Variants in JMJD1C observed in about 807,000 individuals in gnomAD.
The protein encoded by JMJD1C is jumonji domain-containing protein 1C.
JMJD1C carries 31 observed loss-of-function variants against 245.3 expected under a neutral mutation model. The observed-to-expected ratio is 0.13, with a 90% confidence interval of 0.09 to 0.17. The LOEUF (loss-of-function observed/expected upper bound fraction) is 0.17, where lower values mean the gene tolerates loss of function less well. Among genes scored for constraint, JMJD1C ranks in the 10% least tolerant of loss-of-function variants. The pLI is 1.00. For synonymous variants in JMJD1C, 1,057 were observed against 1,017.4 expected (o/e 1.04, Z -0.74); for missense variants, 2,691 against 3,000.2 (o/e 0.90, Z 2.41).
chr10:63,435,928 A>G (rs924035371), intron 1 of JMJD1C, among the ~76,000 whole-genome samples: 3 of 152,150 alleles, frequency 2.0e-5, no homozygotes, highest in African/African-American at 7.2e-5. Context: ...GAGTGTGGCA[A>G]AATACTTGAG....
chr10:63,441,184 A>G (rs1041096588), intron 1 of JMJD1C, among the ~76,000 whole-genome samples: 1 of 152,180 alleles, frequency 6.6e-6, no homozygotes, highest in Non-Finnish European at 1.5e-5. Flanking sequence ...TTTATTTAGA[A>G]GACTCTCCCT....
chr10:63,219,618 T>C (rs187980449), intron 4 of JMJD1C, among the ~76,000 whole-genome samples: 1 of 152,312 alleles, frequency 6.6e-6, no homozygotes, highest in Non-Finnish European at 1.5e-5. Flanking sequence ...TTCCATAATA[T>C]GCAGTTTTCT....
At chr10:63,297,012 T>C (rs1286292120) in intron 2 of JMJD1C, among the ~76,000 whole-genome samples, 1 of 152,238 alleles carries the variant, frequency 6.6e-6, no homozygotes, top group East Asian at 1.9e-4. Flanking sequence ...TTTCACCACT[T>C]TGAAAGTTTC....
intron 1 of JMJD1C, among the ~76,000 whole-genome samples, chr10:63,400,309 A>C (rs1010461811): frequency 4.6e-5 from 7 of 152,160 alleles, no homozygotes; most frequent in Admixed American, 1.3e-4. Flanking sequence ...GATGTTGACA[A>C]AACCCCATTA....
intron 1 of JMJD1C, among the ~76,000 whole-genome samples, chr10:63,449,287 C>A (rs1951894718): frequency 6.6e-6 from 1 of 151,916 alleles, no homozygotes; most frequent in African/African-American, 2.4e-5. Flanking sequence ...AAGTGAAATT[C>A]TGTAAAATAA....
intron 24 of JMJD1C, among the ~76,000 whole-genome samples, chr10:63,174,001 C>T (rs1208609725): frequency 3.9e-5 from 6 of 152,150 alleles, no homozygotes; most frequent in Admixed American, 3.9e-4. Context: ...CACCACTGTA[C>T]ACTTACTAGA....
At chr10:63,305,627 G>GGTGTGT (rs1420500276) in intron 2 of JMJD1C, among the ~76,000 whole-genome samples, 21 of 58,716 alleles carry the variant, frequency 3.6e-4, no homozygotes, top group Non-Finnish European at 6.6e-4. Flanking sequence ...CCACCATGCT[G>GGTGTGT]GCGTGTGTGT....
chr10:63,406,918 G>GT (rs2132632563), intron 1 of JMJD1C, among the ~76,000 whole-genome samples: 1 of 152,256 alleles, frequency 6.6e-6, no homozygotes, highest in East Asian at 1.9e-4. Context: ...GATGAGGATT[G>GT]TAAGGTTTCA....
At chr10:63,203,659 GCTGA>G in intron 10 of JMJD1C, 2 of 981,628 alleles carry the variant, frequency 2.0e-6, no homozygotes, top group Non-Finnish European at 2.4e-6. Context: ...AGAAAAAGCG[GCTGA>G]CTTTTAATTA....
At chr10:63,335,316 A>G (rs771837611) in intron 2 of JMJD1C, among the ~76,000 whole-genome samples, 10 of 152,202 alleles carry the variant, frequency 6.6e-5, no homozygotes, top group Non-Finnish European at 1.2e-4. Context: ...GTGATAATGT[A>G]GGCATGGGGG....
rs1395365922 is a variant in JMJD1C, at chr10:63,510,428, AT to A, written n.113+11309del. Among the ~76,000 whole-genome samples, 3 of 152,232 alleles carry A rather than the reference AT, an allele frequency of 2.0e-5. 1 individual carries two copies. The highest frequency in any genetic ancestry group is 4.4e-5 in the Non-Finnish European group (3 of 68,032). On this transcript the variant is annotated intron_variant and non_coding_transcript_variant, in intron 1 of 3. Transcript: ENST00000633035. ...TTTTCATTTTGATTTATTTCAAAATATTTTTAAGTGTTTTTGAGATTCCTTC... is the reference window on the plus strand; with the variant it reads ...TTTTCATTTTGATTTATTTCAAAATATTTTAAGTGTTTTTGAGATTCCTTC...
At chr10:63,356,307 G>A (rs1426541922) in intron 2 of JMJD1C, among the ~76,000 whole-genome samples, 2 of 152,106 alleles carry the variant, frequency 1.3e-5, no homozygotes, top group Admixed American at 1.3e-4. Flanking sequence ...TAAAAAGTGG[G>A]AGATACAGAC....
At chr10:63,225,209 T>A (rs1849117269) in intron 3 of JMJD1C, among the ~76,000 whole-genome samples, 2 of 152,152 alleles carry the variant, frequency 1.3e-5, no homozygotes, top group Non-Finnish European at 2.9e-5. Flanking sequence ...CTAAGCTAAT[T>A]GAAGAGACAG....
chr10:63,231,775 C>T (rs1222471254), intron 3 of JMJD1C, among the ~76,000 whole-genome samples: 4 of 152,162 alleles, frequency 2.6e-5, no homozygotes, highest in Non-Finnish European at 5.9e-5. Flanking sequence ...GCCTAGGCGA[C>T]AGAGCGAGAC....
chr10:63,203,481 TA>T (rs1846251566), intron 10 of JMJD1C: 1 of 984,796 alleles, frequency 1.0e-6, no homozygotes, highest in Admixed American at 6.2e-5. Context: ...GCCACCCCCT[TA>T]AAAAATATTT....
At chr10:63,476,234 T>A (rs760233280) in intron 1 of JMJD1C, among the ~76,000 whole-genome samples, 29 of 147,822 alleles carry the variant, frequency 2.0e-4, no homozygotes, top group Non-Finnish European at 3.4e-4. Flanking sequence ...TATACATATA[T>A]TTATTTATTA....
chr10:63,284,931 CACAT>C (rs1564734366), intron 2 of JMJD1C, among the ~76,000 whole-genome samples: 1 of 151,866 alleles, frequency 6.6e-6, no homozygotes, highest in Non-Finnish European at 1.5e-5. Context: ...CTGTCTCTCA[CACAT>C]ACACGCCACA....
At position 63,303,123 on chromosome 10, in the gene JMJD1C, G is replaced by A. The variant is rs966554184; in HGVS notation, c.334-38359C>T. 2.6e-5 allele frequency among the ~76,000 whole-genome samples: 4 copies of A among 152,208 alleles called. No individual in the cohort carries two copies. In the South Asian group the frequency reaches 8.3e-4, roughly 32 times the overall value. On this transcript the variant is annotated intron_variant, in intron 2 of 25. Transcript: ENST00000399262. Reference sequence around the variant, plus strand: ...TAATATTCACTAATTCACTAAGCATGTTTTAATAAAGTTTATTCAATCACT... The same window carrying A: ...TAATATTCACTAATTCACTAAGCATATTTTAATAAAGTTTATTCAATCACT...
At position 63,189,435 on chromosome 10, in the gene JMJD1C, A is replaced by G; in HGVS notation, c.6303T>C (p.Ser2101=). The G allele has an allele frequency of 1.2e-6, 2 of 1,610,298 alleles. No homozygotes were observed. The highest frequency in any genetic ancestry group is 1.7e-6 in the Non-Finnish European group (2 of 1,178,722). ...VYSMGAPSSK[S]GRTMPNILDD... ...CAAGAATGTTAGGCATAGTCCGTCC[A>G]CTTTTGCTACTCTATTAAGGAAAAA... The change falls in exon 18 of 26, where the codon AGT becomes AGC. Residue 2101 remains serine (S), a synonymous_variant. Transcript: ENST00000399262.
Sources: allele counts gnomAD v4.1 joint callset (sites outside exome capture counted in the v4.1 genomes callset), GRCh38; gene constraint gnomAD v4.1.1; transcripts MANE v1.5; gene names NCBI Gene and HGNC (gene_info 2026-07-23, HGNC 2026-07-21).